Variants in OSTF1 observed in about 807,000 individuals in gnomAD.
The protein encoded by OSTF1 is osteoclast-stimulating factor 1.
A neutral mutation model predicts 37.2 loss-of-function variants in OSTF1; 27 were observed. That is an observed-to-expected ratio of 0.73 (90% CI 0.54 to 1.00). The LOEUF (loss-of-function observed/expected upper bound fraction) is 1.00. OSTF1 is among the 50% of genes least tolerant of loss of function. The pLI is 0.00. For synonymous variants in OSTF1, 82 were observed against 89.2 expected (o/e 0.92, Z 0.46); for missense variants, 232 against 253.8 (o/e 0.91, Z 0.58).
rs539882763 is a variant in OSTF1 at position 75,117,535 on chromosome 9, G to A, written c.66G>A (p.Thr22=). Residue 22 remains threonine (T), a synonymous_variant, in exon 2 of 10, where the codon ACG becomes ACA. Transcript: ENST00000346234. ...GQVKVFRALY[T]FEPRTPDELY... is the part of the protein sequence containing the mutation. ...TTAAAGTCTTCAGAGCCCTGTATAC[G>A]TTTGAACCCAGAACTGTAAGTGTTC... 236 of 1,609,198 alleles carry A rather than the reference G, an allele frequency of 1.5e-4. No homozygotes were observed. In the Middle Eastern group the frequency reaches 1.7e-3, roughly 11 times the overall value.
rs1218528100 is a variant in OSTF1 at position 75,134,438 on chromosome 9, G to A, written c.408+43G>A. ...AAAATTATTTAACACATACCTGCTT[G>A]TTGTCTTTAGTACAGAGCAACTCAT... is the stretch of plus-strand genomic sequence containing the variant. On this transcript the variant is annotated intron_variant, in intron 7 of 9. Coordinates refer to ENST00000346234, the MANE Select transcript of OSTF1 (RefSeq NM_012383.5). 4 of 1,010,876 alleles carry A rather than the reference G, an allele frequency of 4.0e-6. No individual in the cohort carries two copies. In the South Asian group the frequency reaches 5.4e-5, roughly 14 times the overall value. The allele number at this position is 1,010,876 out of a possible 1,614,324, so 62.6% of individuals were successfully genotyped here.
intron 2 of OSTF1, among the ~76,000 whole-genome samples, chr9:75,124,848 C>CT (rs1825636982): frequency 6.6e-6 from 1 of 152,082 alleles, no homozygotes; most frequent in Non-Finnish European, 1.5e-5. Context: ...GGAGATTTGA[C>CT]TTTTGTGATT....
At chr9:75,139,511 C>T (rs998448672) in intron 8 of OSTF1, among the ~76,000 whole-genome samples, 1 of 152,146 alleles carries the variant, frequency 6.6e-6, no homozygotes, top group Non-Finnish European at 1.5e-5. Flanking sequence ...TCATTGCAGT[C>T]TCCGCCTCCT....
At chr9:75,122,758 G>T (rs1825600028) in intron 2 of OSTF1, among the ~76,000 whole-genome samples, 2 of 152,260 alleles carry the variant, frequency 1.3e-5, no homozygotes, top group South Asian at 4.1e-4. Context: ...AGTGTTCTTG[G>T]TGAGGAACAA....
chr9:75,134,733 A>G (rs4745381), intron 7 of OSTF1, among the ~76,000 whole-genome samples: 53,620 of 151,964 alleles, frequency 0.35, 9,844 homozygotes, highest in African/African-American at 0.44. Context: ...CCCAGCTCTC[A>G]TCTTTCAGCA....
intron 1 of OSTF1, among the ~76,000 whole-genome samples, chr9:75,091,477 T>A (rs1352445984): frequency 2.6e-5 from 4 of 152,302 alleles, no homozygotes; most frequent in African/African-American, 7.2e-5. Context: ...GGGAGGGGCC[T>A]CTGGTCTACA....
At chr9:75,118,403 G>A (rs1478992419) in intron 2 of OSTF1, among the ~76,000 whole-genome samples, 3 of 152,130 alleles carry the variant, frequency 2.0e-5, no homozygotes, top group Non-Finnish European at 2.9e-5. Context: ...ACTTCCGAGA[G>A]TTGGGGTGGA....
intron 1 of OSTF1, among the ~76,000 whole-genome samples, chr9:75,106,735 C>T (rs1436669266): frequency 2.0e-5 from 3 of 149,852 alleles, no homozygotes; most frequent in Non-Finnish European, 4.4e-5. Flanking sequence ...GCGGGCGGAT[C>T]ACAAGGTCAA....
At chr9:75,097,277 A>T (rs1302637433) in intron 1 of OSTF1, among the ~76,000 whole-genome samples, 2 of 152,198 alleles carry the variant, frequency 1.3e-5, no homozygotes, top group African/African-American at 4.8e-5. Flanking sequence ...GTGAGGTAGG[A>T]GTCACTACTA....
At position 75,130,572 on chromosome 9, in the gene OSTF1, T is replaced by C; in HGVS notation, c.133-6T>C. The C allele has an allele frequency of 1.9e-6, 3 of 1,597,296 alleles. No individual in the cohort carries two copies. Among genetic ancestry groups the C allele is most frequent in the Middle Eastern group, 1.7e-4 (1 of 6,036 alleles). ...ATACCACTTAATTTAACTCTTCTTT[T>C]ACCAGAGCGATACCAATTGGTGGAA... On this transcript the variant is annotated splice_polypyrimidine_tract_variant and splice_region_variant and intron_variant, in intron 3 of 9. Coordinates refer to ENST00000346234, the MANE Select transcript of OSTF1 (RefSeq NM_012383.5).
Position 75,130,581 on chromosome 9 carries a change from G to A in OSTF1, c.136G>A (p.Asp46Asn), listed in dbSNP as rs759240674. The A allele has an allele frequency of 1.4e-5, 23 of 1,603,774 alleles. No individual in the cohort carries two copies. Among genetic ancestry groups the A allele is most frequent in the Admixed American group, 3.3e-5 (2 of 59,978 alleles). The change falls in exon 4 of 10, where the codon GAT becomes AAT. Residue 46 changes from aspartate to asparagine, a missense_variant. Physicochemically the swap from Asp to Asn is conservative, Grantham distance 23 (BLOSUM62 1). Transcript: ENST00000346234. ...AATTTAACTCTTCTTTTACCAGAGC[G>A]ATACCAATTGGTGGAAAGGCACCTC... The part of the protein sequence containing the change: ...GDIIYITDMS[D>N]TNWWKGTSKG...
In OSTF1 at chr9:75,130,019, A is replaced by T. The variant is rs189096867; in HGVS notation, c.133-559A>T. Among the ~76,000 whole-genome samples the T allele has an allele frequency of 6.4e-3, 977 of 152,316 alleles. 3 individuals are homozygous for T. Among genetic ancestry groups the T allele is most frequent in the Admixed American group, 9.6e-3 (147 of 15,298 alleles). On this transcript the variant is annotated intron_variant, in intron 3 of 9. Transcript: ENST00000346234. Reference sequence around the variant, plus strand: ...AATATGATGTCTAGAATTTATTTTAAAATAATCCAGGAGGGGAGGGACGTC... The same window carrying T: ...AATATGATGTCTAGAATTTATTTTATAATAATCCAGGAGGGGAGGGACGTC...
chr9:75,091,764 A>C (rs1372467616), intron 1 of OSTF1, among the ~76,000 whole-genome samples: 6 of 152,242 alleles, frequency 3.9e-5, no homozygotes, highest in Admixed American at 3.3e-4. Context: ...TAGTAAGATG[A>C]AACAAGAGGA....
At chr9:75,093,619 T>C (rs956982603) in intron 1 of OSTF1, among the ~76,000 whole-genome samples, 1 of 152,160 alleles carries the variant, frequency 6.6e-6, no homozygotes, top group African/African-American at 2.4e-5. Context: ...GTGTTTCAGG[T>C]TTTTTTGTTA....
At chr9:75,104,589 A>G (rs1318616299) in intron 1 of OSTF1, among the ~76,000 whole-genome samples, 1 of 152,204 alleles carries the variant, frequency 6.6e-6, no homozygotes, top group Non-Finnish European at 1.5e-5. Flanking sequence ...TTGCTGGGAT[A>G]TCATGTGTGA....
In OSTF1 at chr9:75,094,486, G is replaced by A. The variant is rs112398339; in HGVS notation, c.34+5760G>A. Among the ~76,000 whole-genome samples the A allele has an allele frequency of 3.8e-3, 574 of 151,858 alleles. 5 individuals are homozygous for A. The highest frequency in any genetic ancestry group is 0.013 in the African/African-American group (557 of 41,398). On this transcript the variant is annotated intron_variant, in intron 1 of 9. Coordinates refer to ENST00000346234, the MANE Select transcript of OSTF1 (RefSeq NM_012383.5). ...GCTGGAGGTTATGTGCTTCTGATAAGCATTCCTCCCTTCTGGAAATACTGG... is the reference window on the plus strand; with the variant it reads ...GCTGGAGGTTATGTGCTTCTGATAAACATTCCTCCCTTCTGGAAATACTGG...
In OSTF1 at chr9:75,104,222, C is replaced by T. The variant is rs150018487; in HGVS notation, c.35-13282C>T. On this transcript the variant is annotated intron_variant, in intron 1 of 9. Transcript: ENST00000346234. ...TTGTGGCATTGCACTCCAGCCAGGA[C>T]GACTTGAGTGAGACCCTGTCTCAAA... 2.1e-3 allele frequency among the ~76,000 whole-genome samples: 315 copies of T among 152,096 alleles called. 3 individuals are homozygous for T. Among genetic ancestry groups the T allele is most frequent in the African/African-American group, 7.1e-3 (294 of 41,482 alleles).
Position 75,088,746 on chromosome 9 carries a change from C to A in OSTF1, c.34+20C>A, listed in dbSNP as rs1309759533. On this transcript the variant is annotated intron_variant, in intron 1 of 9. Coordinates refer to ENST00000346234, the MANE Select transcript of OSTF1 (RefSeq NM_012383.5). ...AACCAGGTGAGGGAGGTAAGGTAGG[C>A]GCTTGCCAGGTCCTGCGACCGCCGC... 1 of 1,600,280 alleles carries A rather than the reference C, an allele frequency of 6.2e-7. No individual in the cohort carries two copies. The highest frequency in any genetic ancestry group is 1.3e-5 in the African/African-American group (1 of 74,504).
chr9:75,110,934 G>T (rs1825375660), intron 1 of OSTF1, among the ~76,000 whole-genome samples: 2 of 152,090 alleles, frequency 1.3e-5, no homozygotes, highest in South Asian at 4.2e-4. Context: ...TGCCCATGCT[G>T]GTCTTGAACT....
Sources: gnomAD v4.1 joint callset for allele counts (sites outside exome capture counted in the v4.1 genomes callset) on GRCh38, gnomAD v4.1.1 for gene constraint, MANE v1.5 for transcripts, NCBI Gene and HGNC (gene_info 2026-07-23, HGNC 2026-07-21) for gene names.